Variants in CACNA2D1 observed in about 807,000 individuals in gnomAD.
CACNA2D1 encodes the protein calcium voltage-gated channel auxiliary subunit alpha2delta 1.
In CACNA2D1, 53 loss-of-function variants were observed where a neutral mutation model predicts 171.5. That is an observed-to-expected ratio of 0.31 (90% CI 0.25 to 0.39). The LOEUF (loss-of-function observed/expected upper bound fraction) is 0.39, where lower values mean the gene tolerates loss of function less well. Ranked by LOEUF, CACNA2D1 falls within the 10% of genes least tolerant of loss-of-function variation. The pLI, the probability that CACNA2D1 is intolerant of heterozygous loss-of-function variation, is 1.00. For synonymous variants in CACNA2D1, 442 were observed against 443.1 expected, an observed-to-expected ratio of 1.00 and a Z score of 0.03; for missense variants, 903 against 1,299.8, an observed-to-expected ratio of 0.69 and a Z score of 4.69.
intron 21 of CACNA2D1, 72 bp downstream of exon 21, chr7:81,991,113 T>C: frequency 1.3e-6 from 1 of 799,230 alleles, no homozygotes. Context: ...CACATGAAAA[T>C]TCACTTGTGA....
intron 3 of CACNA2D1, among the ~76,000 whole-genome samples, chr7:82,256,183 T>G (rs1206132070): frequency 6.6e-6 from 1 of 151,866 alleles, no homozygotes; most frequent in Non-Finnish European, 1.5e-5. Flanking sequence ...CGGTGGGGCG[T>G]GGCGGGAGGC....
intron 5 of CACNA2D1, among the ~76,000 whole-genome samples, chr7:82,121,051 TTTTG>T (rs148711047): frequency 0.066 from 9,979 of 151,930 alleles, 476 homozygotes; most frequent in South Asian, 0.14. Flanking sequence ...CCTTGTGATT[TTTTG>T]TTTGTTTGTT....
intron 20 of CACNA2D1, among the ~76,000 whole-genome samples, chr7:81,991,482 A>C (rs1281935336): frequency 6.6e-6 from 1 of 152,204 alleles, no homozygotes; most frequent in Admixed American, 6.5e-5. Flanking sequence ...TTATCTTCAA[A>C]ACATTGAAAA....
intron 37 of CACNA2D1, among the ~76,000 whole-genome samples, 161 bp from the exon 38 acceptor site, chr7:81,959,518 G>GTGAATTATCCTTTTC (rs1166468335): frequency 3.3e-5 from 5 of 152,044 alleles, no homozygotes; most frequent in African/African-American, 9.7e-5. Context: ...GAACTAAATT[G>GTGAATTATCCTTTTC]TGAATTATCC....
chr7:82,003,383 A>G (rs1239680852), intron 18 of CACNA2D1, among the ~76,000 whole-genome samples: 1 of 152,026 alleles, frequency 6.6e-6, no homozygotes, highest in East Asian at 1.9e-4. Flanking sequence ...TGAAGTTGCT[A>G]AAGAATTTGT....
At chr7:82,006,162 T>C (rs1199084097) in intron 16 of CACNA2D1, among the ~76,000 whole-genome samples, 1 of 152,048 alleles carries the variant, frequency 6.6e-6, no homozygotes, top group Non-Finnish European at 1.5e-5. Context: ...TCAGCCCTTA[T>C]AGCTGTGTGT....
intron 1 of CACNA2D1, among the ~76,000 whole-genome samples, chr7:82,419,772 C>T (rs925928888): frequency 6.6e-6 from 1 of 152,208 alleles, no homozygotes; most frequent in African/African-American, 2.4e-5. Flanking sequence ...TTGGACACCA[C>T]TGGCCACGGA....
At chr7:82,335,991 A>G (rs529442894) in intron 2 of CACNA2D1, among the ~76,000 whole-genome samples, 1 of 152,298 alleles carries the variant, frequency 6.6e-6, no homozygotes, top group Non-Finnish European at 1.5e-5. Flanking sequence ...GTACACACTC[A>G]GCAGGAGAGG....
intron 3 of CACNA2D1, among the ~76,000 whole-genome samples, chr7:82,203,431 G>C (rs1039485011): frequency 5.3e-5 from 8 of 152,160 alleles, no homozygotes; most frequent in Non-Finnish European, 1.5e-5. Context: ...CAGTGTTGCT[G>C]CAGGGCTATA....
intron 5 of CACNA2D1, among the ~76,000 whole-genome samples, chr7:82,120,979 G>A (rs1563078784): frequency 6.6e-6 from 1 of 151,478 alleles, no homozygotes; most frequent in East Asian, 1.9e-4. Context: ...TGGAATTTAA[G>A]CATCCTGTGC....
At chr7:82,210,325 T>TAAATA (rs1336783441) in intron 3 of CACNA2D1, among the ~76,000 whole-genome samples, 3 of 152,186 alleles carry the variant, frequency 2.0e-5, no homozygotes, top group Non-Finnish European at 4.4e-5. Context: ...ATGAATGTAT[T>TAAATA]GGAAAATGTC....
chr7:82,249,410 T>C (rs1014861447), intron 3 of CACNA2D1, among the ~76,000 whole-genome samples: 1 of 152,142 alleles, frequency 6.6e-6, no homozygotes, highest in Non-Finnish European at 1.5e-5. Context: ...GCAGGATCAT[T>C]TGGCTTGGTT....
Position 82,282,702 on chromosome 7 carries a change from T to TGGGGG in CACNA2D1, c.294+52432_294+52433insCCCCC, listed in dbSNP as rs1491274328. On this transcript the variant is annotated intron_variant, in intron 3 of 38. Coordinates refer to ENST00000356860, the MANE Select transcript of CACNA2D1 (RefSeq NM_000722.4). ...GTGTTGTGTAAATAAAATTGTAAAA[T>TGGGGG]GTGGGGGGGGGAATCACAGAGGGTT... Among the ~76,000 whole-genome samples the TGGGGG allele has an allele frequency of 1.9e-5, 2 of 105,076 alleles. 1 individual carries two copies. The highest frequency in any genetic ancestry group is 7.8e-5 in the African/African-American group (2 of 25,710). 68.9% of individuals were successfully genotyped at this position (105,076 alleles called of 152,430 possible).
Position 82,116,961 on chromosome 7 carries a change from CTTT to C in CACNA2D1, c.526+80_526+82del, listed in dbSNP as rs543569119. Reference sequence around the variant, plus strand: ...CAAACAAAACAATGTCACATTTGCTCTTTTTTTTCCCCCTCAAACATGGGAAAC... The same window carrying C: ...CAAACAAAACAATGTCACATTTGCTCTTTTTCCCCCTCAAACATGGGAAAC... On this transcript the variant is annotated intron_variant, in intron 6 of 38. Coordinates refer to ENST00000356860, the MANE Select transcript of CACNA2D1 (RefSeq NM_000722.4). 6.4e-5 allele frequency: 93 copies of C among 1,462,576 alleles called. No homozygotes were observed. The Admixed American group carries it at 7.5e-4, about 12-fold the overall frequency. 90.6% of individuals were successfully genotyped at this position (1,462,576 alleles called of 1,614,324 possible).
intron 3 of CACNA2D1, among the ~76,000 whole-genome samples, chr7:82,251,159 A>C (rs1411813367): frequency 6.6e-6 from 1 of 152,176 alleles, no homozygotes; most frequent in African/African-American, 2.4e-5. Flanking sequence ...ATGTAATAAG[A>C]AGTTACTGAA....
intron 10 of CACNA2D1, among the ~76,000 whole-genome samples, chr7:82,041,420 G>A (rs189254262): frequency 4.1e-4 from 62 of 152,278 alleles, no homozygotes; most frequent in African/African-American, 1.4e-3. Context: ...GGATTTGGAT[G>A]ATGATAGTTA....
rs148728659 is a variant in CACNA2D1, at chr7:82,332,106, G to C, written c.294+3029C>G. ...GACGGAGTCTTGCTCTTTCGCGCAG[G>C]CTGGAGTGCAGTGGCATGGTCTCAG... On this transcript the variant is annotated intron_variant, in intron 3 of 38. Transcript: ENST00000356860. 7.7e-3 allele frequency among the ~76,000 whole-genome samples: 1,167 copies of C among 152,036 alleles called. 19 individuals are homozygous for C. Among genetic ancestry groups the C allele is most frequent in the African/African-American group, 0.026 (1,059 of 41,478 alleles).
At chr7:82,193,131 T>G (rs1798506091) in intron 3 of CACNA2D1, among the ~76,000 whole-genome samples, 1 of 151,866 alleles carries the variant, frequency 6.6e-6, no homozygotes, top group African/African-American at 2.4e-5. Context: ...TAGTTAGCTT[T>G]GGAATGAGAA....
chr7:81,955,952 C>T (rs1584152518), intron 38 of CACNA2D1, among the ~76,000 whole-genome samples: 2 of 106,388 alleles, frequency 1.9e-5, no homozygotes, highest in South Asian at 3.3e-4. Context: ...ATTTTAAAGT[C>T]ACTGTTGCTA....
Sources: gnomAD v4.1 joint callset for allele counts (sites outside exome capture counted in the v4.1 genomes callset) on GRCh38, gnomAD v4.1.1 for gene constraint, MANE v1.5 for transcripts, NCBI Gene and HGNC (gene_info 2026-07-23, HGNC 2026-07-21) for gene names.